The following ACER2 variants were observed in gnomAD, a reference collection of about 807,000 sequenced individuals.
ACER2 encodes alkaline ceramidase 2.
In ACER2, 26 loss-of-function variants were observed where a neutral mutation model predicts 34.7. The ratio of observed to expected loss-of-function variants is 0.75; its 90% CI spans 0.55 to 1.04. The LOEUF is 1.04. ACER2 is among the 50% of genes least tolerant of loss of function. The probability of loss-of-function intolerance (pLI) is 0.00; values close to 1 mark genes in which losing one functional copy is unlikely to be tolerated. For synonymous variants in ACER2, 138 were observed against 132.1 expected (o/e 1.04, Z -0.31); for missense variants, 352 against 340.8 (o/e 1.03, Z -0.26).
chr9:19,417,676 A>G (rs1349671585), intron 1 of ACER2, among the ~76,000 whole-genome samples: 1 of 152,048 alleles, frequency 6.6e-6, no homozygotes, highest in Non-Finnish European at 1.5e-5. Context: ...CAGAAAACTG[A>G]AACTTCCTTA....
chr9:19,440,959 C>T (rs79289957), intron 4 of ACER2, among the ~76,000 whole-genome samples: 2,668 of 152,244 alleles, frequency 0.018, 76 homozygotes, highest in African/African-American at 0.06. Context: ...AAAAGGGGAG[C>T]ACCATTTACC....
intron 4 of ACER2, among the ~76,000 whole-genome samples, chr9:19,443,429 G>A (rs1831225677): frequency 6.6e-6 from 1 of 152,252 alleles, no homozygotes; most frequent in African/African-American, 2.4e-5. Context: ...GCCTCCAAGA[G>A]TGTTGGGATT....
intron 3 of ACER2, among the ~76,000 whole-genome samples, chr9:19,433,773 CG>C (rs1331505345): frequency 6.7e-6 from 1 of 150,120 alleles, no homozygotes; most frequent in Non-Finnish European, 1.5e-5. Flanking sequence ...GGCGGCTGGC[CG>C]GGCGGGGGGC....
chr9:19,423,643 G>C (rs1246971950), intron 1 of ACER2, among the ~76,000 whole-genome samples: 1 of 152,226 alleles, frequency 6.6e-6, no homozygotes, highest in Non-Finnish European at 1.5e-5. Context: ...AGAGGTTGCA[G>C]TGAGCCAAGA....
At chr9:19,442,092 CAA>C (rs1831174153) in intron 4 of ACER2, among the ~76,000 whole-genome samples, 2 of 152,098 alleles carry the variant, frequency 1.3e-5, no homozygotes, top group South Asian at 4.1e-4. Flanking sequence ...CATGAGAAAA[CAA>C]AAGTTTATGC....
At chr9:19,441,305 T>C (rs1031382297) in intron 4 of ACER2, among the ~76,000 whole-genome samples, 8 of 152,122 alleles carry the variant, frequency 5.3e-5, no homozygotes, top group Admixed American at 3.3e-4. Flanking sequence ...CTCCTTGGCC[T>C]CCCAAATTGC....
chr9:19,435,171 A>G lies in ACER2; in HGVS notation c.503+87A>G, dbSNP rs1830919825. The stretch of plus-strand genomic sequence containing the variant: ...GGCTTCTTTGCTGTCCTGTAGCAGA[A>G]GAGGAGTTTTATTCCTTGTGAAGAG... On this transcript the variant is annotated intron_variant, in intron 4 of 5. Coordinates refer to ENST00000340967, the MANE Select transcript of ACER2 (RefSeq NM_001010887.3). 11 of 1,486,652 alleles carry G rather than the reference A, an allele frequency of 7.4e-6. No individual in the cohort carries two copies. In the South Asian group the frequency reaches 1.0e-4, roughly 14 times the overall value. The allele number at this position is 1,486,652 out of a possible 1,614,324, so 92.1% of individuals were successfully genotyped here.
At chr9:19,423,278 G>A (rs1404726237) in intron 1 of ACER2, among the ~76,000 whole-genome samples, 2 of 152,252 alleles carry the variant, frequency 1.3e-5, no homozygotes, top group South Asian at 4.1e-4. Flanking sequence ...AATAAGAGAG[G>A]AGCTTGGGCA....
At chr9:19,447,956 A>G (rs1302806249) in intron 5 of ACER2, among the ~76,000 whole-genome samples, 2 of 129,844 alleles carry the variant, frequency 1.5e-5, no homozygotes, top group South Asian at 2.3e-4. Flanking sequence ...GCACACATAT[A>G]TATGTCTACT....
At chr9:19,411,011 G>T (rs557604787) in intron 1 of ACER2, among the ~76,000 whole-genome samples, 13 of 152,348 alleles carry the variant, frequency 8.5e-5, no homozygotes, top group Non-Finnish European at 1.6e-4. Context: ...GGTCTACAGA[G>T]AGGGTCAACC....
rs143313970 is a variant in ACER2, at chr9:19,445,069, G to A, written c.504-1212G>A. On this transcript the variant is annotated intron_variant, in intron 4 of 5. Transcript: ENST00000340967. ...AAGCTTCTTCTCAATTGCAGATGTC[G>A]TGTTGTATTCTGGGTCCCATAGGAG... Among the ~76,000 whole-genome samples, 92 of 152,322 alleles carry A rather than the reference G, an allele frequency of 6.0e-4. 1 individual carries two copies. The East Asian group carries it at 0.013, about 21-fold the overall frequency.
chr9:19,442,948 T>G (rs1049331710), intron 4 of ACER2, among the ~76,000 whole-genome samples: 1 of 152,056 alleles, frequency 6.6e-6, no homozygotes, highest in African/African-American at 2.4e-5. Context: ...TTCTCTTACC[T>G]CAGCCTCCCG....
intron 1 of ACER2, among the ~76,000 whole-genome samples, chr9:19,412,384 G>A (rs1367543777): frequency 6.6e-6 from 1 of 152,148 alleles, no homozygotes; most frequent in East Asian, 1.9e-4. Context: ...TGGGGGCAGT[G>A]GCTCATGCCT....
rs183705883 is a variant in ACER2 at position 19,440,258 on chromosome 9, G to A, written c.503+5174G>A. On this transcript the variant is annotated intron_variant, in intron 4 of 5. Coordinates refer to ENST00000340967, the MANE Select transcript of ACER2 (RefSeq NM_001010887.3). ...CGGCAGCTCCTTTTCAGTCTCTTGC[G>A]TAGACTCCTACTTTTCTACACAGCT... Among the ~76,000 whole-genome samples the A allele has an allele frequency of 1.2e-3, 184 of 152,178 alleles. 1 individual carries two copies. Among genetic ancestry groups the A allele is most frequent in the African/African-American group, 4.2e-3 (173 of 41,504 alleles).
At chr9:19,431,169 G>T (rs1830743240) in intron 3 of ACER2, among the ~76,000 whole-genome samples, 1 of 152,090 alleles carries the variant, frequency 6.6e-6, no homozygotes, top group Non-Finnish European at 1.5e-5. Flanking sequence ...TAAAATGATG[G>T]TAAGGATAAC....
chr9:19,436,079 CCTT>C (rs1303807681), intron 4 of ACER2, among the ~76,000 whole-genome samples: 1 of 151,778 alleles, frequency 6.6e-6, no homozygotes, highest in Non-Finnish European at 1.5e-5. Flanking sequence ...AGAAGAAAGC[CCTT>C]CTTTTTTTTT....
intron 4 of ACER2, among the ~76,000 whole-genome samples, chr9:19,442,400 G>T (rs1331230075): frequency 6.6e-6 from 1 of 152,192 alleles, no homozygotes; most frequent in African/African-American, 2.4e-5. Flanking sequence ...ATGGACCGCA[G>T]CTTTGGACAA....
intron 1 of ACER2, among the ~76,000 whole-genome samples, chr9:19,418,509 A>G (rs186913343): frequency 1.3e-5 from 2 of 152,356 alleles, no homozygotes; most frequent in Admixed American, 6.5e-5. Context: ...ATGGAATAGT[A>G]TGCAGCCACA....
chr9:19,431,250 G>C (rs1162536034), intron 3 of ACER2, among the ~76,000 whole-genome samples: 1 of 152,166 alleles, frequency 6.6e-6, no homozygotes, highest in Admixed American at 6.5e-5. Flanking sequence ...AACACTGTGA[G>C]GCAGAGTGTC....
Sources: gnomAD v4.1 joint callset for allele counts (sites outside exome capture counted in the v4.1 genomes callset) on GRCh38, gnomAD v4.1.1 for gene constraint, MANE v1.5 for transcripts, NCBI Gene and HGNC (gene_info 2026-07-23, HGNC 2026-07-21) for gene names.